Variants in ATG7 observed in about 807,000 individuals in gnomAD.
The protein encoded by ATG7 is autophagy related 7.
A neutral mutation model predicts 82.4 loss-of-function variants in ATG7; 70 were observed. The observed-to-expected ratio is 0.85, with a 90% CI of 0.70 to 1.04. The LOEUF (loss-of-function observed/expected upper bound fraction) is 1.04, where lower values mean the gene tolerates loss of function less well. Among genes scored for constraint, ATG7 ranks in the 50% least tolerant of loss-of-function variants. ATG7 has a pLI of 0.00. For synonymous variants in ATG7, 287 were observed against 313.0 expected (o/e 0.92, Z 0.88); for missense variants, 792 against 864.3 (o/e 0.92, Z 1.05).
intron 20 of ATG7, among the ~76,000 whole-genome samples, chr3:11,533,316 G>C (rs147889760): frequency 5.3e-4 from 81 of 152,204 alleles, no homozygotes; most frequent in Non-Finnish European, 1.1e-3. Flanking sequence ...TGATCTCTTA[G>C]TGGTTATTTA....
chr3:11,372,340 T>TA (rs2077057386), intron 18 of ATG7, among the ~76,000 whole-genome samples: 1 of 151,140 alleles, frequency 6.6e-6, no homozygotes, highest in African/African-American at 2.4e-5. Flanking sequence ...TATGGAACAC[T>TA]AATGTTGGTG....
intron 20 of ATG7, among the ~76,000 whole-genome samples, chr3:11,516,285 A>G (rs1341993212): frequency 1.3e-5 from 2 of 152,180 alleles, no homozygotes; most frequent in East Asian, 3.8e-4. Flanking sequence ...ATGTATACAT[A>G]TGTAACAAAC....
chr3:11,478,155 G>A (rs2088479835), intron 20 of ATG7, among the ~76,000 whole-genome samples: 1 of 152,126 alleles, frequency 6.6e-6, no homozygotes, highest in Non-Finnish European at 1.5e-5. Context: ...TTATTAGTAT[G>A]ACCCCATCGG....
the ATG7 span, among the ~76,000 whole-genome samples, chr3:11,566,247 G>A: frequency 1.3e-5 from 2 of 152,190 alleles, no homozygotes; most frequent in Non-Finnish European, 2.9e-5. Context: ...ACACACGCAT[G>A]TGATAGGCGT....
intron 18 of ATG7, among the ~76,000 whole-genome samples, chr3:11,377,604 A>G (rs1461729065): frequency 2.0e-5 from 3 of 152,216 alleles, no homozygotes; most frequent in African/African-American, 7.2e-5. Context: ...TTTGATGAAA[A>G]CCATATTAGA....
At chr3:11,355,090 G>C (rs1485473073) in intron 14 of ATG7, among the ~76,000 whole-genome samples, 1 of 152,218 alleles carries the variant, frequency 6.6e-6, no homozygotes, top group Non-Finnish European at 1.5e-5. Context: ...GTAGCACCTT[G>C]AGTCTTTGAC....
the ATG7 span, among the ~76,000 whole-genome samples, chr3:11,576,099 C>T: frequency 6.6e-6 from 1 of 152,340 alleles, no homozygotes; most frequent in African/African-American, 2.4e-5. Context: ...CAGGTCATGG[C>T]TGAGAACATG....
rs992145079 is a variant in ATG7 at position 11,331,658 on chromosome 3, T to G, written c.767+230T>G. The stretch of plus-strand genomic sequence containing the variant: ...CTGATCATTCTGTGCTAAAGATGTT[T>G]TAGTGTATGGTAGAGTTGGTAGCCA... On this transcript the variant is annotated intron_variant, in intron 10 of 20. Transcript: ENST00000693202. 2.0e-5 allele frequency among the ~76,000 whole-genome samples: 3 copies of G among 152,186 alleles called. No individual in the cohort carries two copies. In the South Asian group the frequency reaches 6.2e-4, roughly 32 times the overall value.
intron 20 of ATG7, among the ~76,000 whole-genome samples, chr3:11,521,192 T>C (rs1043479995): frequency 3.3e-5 from 5 of 151,484 alleles, no homozygotes; most frequent in Non-Finnish European, 5.9e-5. Flanking sequence ...TAGGCAGCCA[T>C]TGGTTGCCAT....
In ATG7 at chr3:11,380,069, T is replaced by C. The variant is rs1245340828; in HGVS notation, c.1956+17T>C. 6.2e-7 allele frequency: 1 copy of C among 1,609,984 alleles called. No individual in the cohort carries two copies. Among genetic ancestry groups the C allele is most frequent in the Non-Finnish European group, 8.5e-7 (1 of 1,176,318 alleles). ...TCTTCCAAAGTAAGTCATTTTGTAT[T>C]GGAGGGACTTGTTTTTAAAAGTGAG... On this transcript the variant is annotated intron_variant, in intron 19 of 20. Coordinates refer to ENST00000693202, the MANE Select transcript of ATG7 (RefSeq NM_001349232.2).
chr3:11,283,330 G>A (rs555749992), intron 3 of ATG7, among the ~76,000 whole-genome samples: 3 of 152,242 alleles, frequency 2.0e-5, no homozygotes, highest in Admixed American at 6.5e-5. Flanking sequence ...GGCTAATATG[G>A]GGCAGTGACA....
chr3:11,533,409 G>A (rs2124988310), intron 20 of ATG7, among the ~76,000 whole-genome samples: 1 of 152,056 alleles, frequency 6.6e-6, no homozygotes, highest in East Asian at 1.9e-4. Flanking sequence ...ATTTTTAAGT[G>A]TAATTTTAAG....
intron 5 of ATG7, among the ~76,000 whole-genome samples, chr3:11,302,184 CTA>C (rs1946887207): frequency 1.3e-5 from 2 of 152,352 alleles, no homozygotes. Flanking sequence ...GATTTGGAAT[CTA>C]TGGCTAATTA....
rs775619085 is a variant in ATG7 at position 11,424,476 on chromosome 3, CCAA to C, written c.1957-2318_1957-2316del. 1.9e-3 allele frequency among the ~76,000 whole-genome samples: 285 copies of C among 151,684 alleles called. 1 individual carries two copies. The highest frequency in any genetic ancestry group is 3.5e-3 in the Non-Finnish European group (239 of 67,872). On this transcript the variant is annotated intron_variant, in intron 19 of 20. Transcript: ENST00000693202. ...CCTAGGTGACAGAGCGAGACTGTCACCAACAACAACAAAAAAAACACTGATTGC... is the reference window on the plus strand; with the variant it reads ...CCTAGGTGACAGAGCGAGACTGTCACCAACAACAAAAAAAACACTGATTGC...
intron 20 of ATG7, among the ~76,000 whole-genome samples, chr3:11,513,423 C>T (rs1055436307): frequency 3.3e-5 from 5 of 152,238 alleles, no homozygotes; most frequent in Non-Finnish European, 7.3e-5. Context: ...AGAAATTGAG[C>T]GCAGCACCAG....
At chr3:11,468,687 G>C (rs974760141) in intron 20 of ATG7, among the ~76,000 whole-genome samples, 2 of 152,184 alleles carry the variant, frequency 1.3e-5, no homozygotes, top group Non-Finnish European at 2.9e-5. Context: ...CCTGTGACCT[G>C]TTCCTCTAAA....
intron 9 of ATG7, among the ~76,000 whole-genome samples, chr3:11,315,807 A>T (rs1027101847): frequency 1.3e-5 from 2 of 152,058 alleles, no homozygotes; most frequent in Non-Finnish European, 2.9e-5. Flanking sequence ...GCTTACTGCA[A>T]CCTCTGCCTT....
chr3:11,284,939 C>T (rs913321071), intron 3 of ATG7, among the ~76,000 whole-genome samples: 3 of 151,318 alleles, frequency 2.0e-5, no homozygotes, highest in East Asian at 3.9e-4. Context: ...CTCCGCCTCC[C>T]GGGTTCACGC....
At chr3:11,334,953 CAAAA>C (rs57211483) in intron 11 of ATG7, among the ~76,000 whole-genome samples, 4 of 119,618 alleles carry the variant, frequency 3.3e-5, no homozygotes, top group East Asian at 4.8e-4. Context: ...GACTCTGTCT[CAAAA>C]AAAAAAAAAA....
Sources: gnomAD v4.1 joint callset for allele counts (sites outside exome capture counted in the v4.1 genomes callset) on GRCh38, gnomAD v4.1.1 for gene constraint, MANE v1.5 for transcripts, NCBI Gene and HGNC (gene_info 2026-07-23, HGNC 2026-07-21) for gene names.